Variants in UBAC2 observed in about 807,000 individuals in gnomAD.
UBAC2 encodes the protein UBA domain containing 2.
UBAC2 carries 26 observed loss-of-function variants against 44.0 expected under a neutral mutation model. The observed-to-expected ratio is 0.59, with a 90% CI of 0.43 to 0.82. The LOEUF (loss-of-function observed/expected upper bound fraction) is 0.82. Ranked by LOEUF, UBAC2 falls within the 40% of genes least tolerant of loss-of-function variation. The pLI is 0.00. For synonymous variants in UBAC2, 155 were observed against 154.3 expected (o/e 1.00, Z -0.04); for missense variants, 329 against 419.4 (o/e 0.78, Z 1.88).
rs868249493 is a variant in UBAC2 at position 99,329,277 on chromosome 13, C to T, written c.562-11043C>T. Among the ~76,000 whole-genome samples, 5 of 152,110 alleles carry T rather than the reference C, an allele frequency of 3.3e-5. No homozygotes were observed. In the South Asian group the frequency reaches 1.0e-3, roughly 32 times the overall value. ...TAAAACTGGTTTGCTTATTTTAGGACACTGACTTTTAATATACACTCTACA... is the reference window on the plus strand; with the variant it reads ...TAAAACTGGTTTGCTTATTTTAGGATACTGACTTTTAATATACACTCTACA... On this transcript the variant is annotated intron_variant, in intron 6 of 8. Coordinates refer to ENST00000403766, the MANE Select transcript of UBAC2 (RefSeq NM_001144072.2).
intron 1 of UBAC2, among the ~76,000 whole-genome samples, chr13:99,219,057 A>G (rs1020032480): frequency 1.3e-5 from 2 of 152,228 alleles, no homozygotes; most frequent in African/African-American, 4.8e-5. Context: ...CATTCTTGTG[A>G]GAACCCTGAG....
chr13:99,279,099 T>G (rs956046754), intron 4 of UBAC2, among the ~76,000 whole-genome samples: 1 of 152,148 alleles, frequency 6.6e-6, no homozygotes, highest in Non-Finnish European at 1.5e-5. Flanking sequence ...TCCTTCCTTT[T>G]CCCACCTCCC....
chr13:99,324,259 A>G (rs1013221694), intron 6 of UBAC2, among the ~76,000 whole-genome samples: 4 of 152,162 alleles, frequency 2.6e-5, no homozygotes, highest in African/African-American at 9.7e-5. Flanking sequence ...AGCCCTCCCT[A>G]TAGGGCCTCT....
rs1191676390 is a variant in UBAC2 at position 99,243,757 on chromosome 13, A to C, written c.160-75A>C. ...GACATTAAAAATAGGCAGTGTAAAC[A>C]TAACAAATTTGCTAAGGAAGAGACC... On this transcript the variant is annotated intron_variant, in intron 2 of 8. Transcript: ENST00000403766. The C allele has an allele frequency of 4.3e-6, 6 of 1,386,312 alleles. No individual in the cohort carries two copies. In the South Asian group the frequency reaches 6.5e-5, roughly 15 times the overall value. The allele number at this position is 1,386,312 out of a possible 1,614,324, so 85.9% of individuals were successfully genotyped here. A position where few individuals can be genotyped will look rare whatever the true frequency, so the allele number is the denominator to read the frequency against.
intron 8 of UBAC2, among the ~76,000 whole-genome samples, chr13:99,370,530 T>C (rs1197062923): frequency 6.6e-6 from 1 of 152,192 alleles, no homozygotes; most frequent in Admixed American, 6.5e-5. Context: ...AGATCAGCAT[T>C]TCACAGCTGA....
chr13:99,369,033 G>A (rs1212013448), intron 8 of UBAC2, among the ~76,000 whole-genome samples: 2 of 152,012 alleles, frequency 1.3e-5, no homozygotes, highest in East Asian at 3.9e-4. Context: ...AATAAATAAA[G>A]GATAGTAAGA....
intron 8 of UBAC2, among the ~76,000 whole-genome samples, chr13:99,373,678 A>G (rs556726504): frequency 6.6e-6 from 1 of 152,298 alleles, no homozygotes; most frequent in Admixed American, 6.5e-5. Context: ...AGACAAGTAC[A>G]TGGGAGGTGG....
At chr13:99,233,817 A>G (rs766421969) in intron 1 of UBAC2, among the ~76,000 whole-genome samples, 3 of 151,082 alleles carry the variant, frequency 2.0e-5, no homozygotes, top group Non-Finnish European at 3.0e-5. Context: ...AGGATGGGAG[A>G]AAAAAAAAGG....
intron 4 of UBAC2, chr13:99,261,678 A>G (rs976317905): frequency 6.6e-6 from 1 of 152,352 alleles, no homozygotes; most frequent in Non-Finnish European, 1.5e-5. Flanking sequence ...TGGCAGTGAA[A>G]TCAGTCCTGG....
chr13:99,356,142 A>G (rs2045178391), intron 7 of UBAC2: 2 of 534,460 alleles, frequency 3.7e-6, no homozygotes, highest in Non-Finnish European at 3.8e-6. Flanking sequence ...TACACAGTAG[A>G]AGCATCCCTT....
At position 99,385,492 on chromosome 13, in the gene UBAC2, G is replaced by A; in HGVS notation, c.*157G>A. The A allele has an allele frequency of 3.4e-6, 2 of 591,910 alleles. No homozygotes were observed. Among genetic ancestry groups the A allele is most frequent in the Non-Finnish European group, 6.0e-6 (2 of 331,294 alleles). 36.7% of individuals were successfully genotyped at this position (591,910 alleles called of 1,614,324 possible). A position where few individuals can be genotyped will look rare whatever the true frequency, so the allele number is the denominator to read the frequency against. ...CCCTGCCCTCAACCGCAAGACTGTT[G>A]CCGTTTTAGTGTGGAGATAAGTTTG... On this transcript the variant is annotated 3_prime_UTR_variant, in exon 9 of 9. Coordinates refer to ENST00000403766, the MANE Select transcript of UBAC2 (RefSeq NM_001144072.2).
chr13:99,351,337 G>T (rs1257179423), intron 7 of UBAC2: 3 of 347,256 alleles, frequency 8.6e-6, no homozygotes, highest in Non-Finnish European at 1.7e-5. Context: ...GTGATGGCCT[G>T]TGGGCCAAAC....
Position 99,295,493 on chromosome 13 carries a change from T to G in UBAC2, c.390-18604T>G. 6.2e-7 allele frequency: 1 copy of G among 1,613,986 alleles called. No individual in the cohort carries two copies. Among genetic ancestry groups the G allele is most frequent in the Non-Finnish European group, 8.5e-7 (1 of 1,180,008 alleles). On this transcript the variant is annotated intron_variant, in intron 4 of 8. Transcript: ENST00000403766. This position sits in a 1 kb window ranked among gnomAD's most constrained non-coding sequence, Gnocchi z 4.1. ...AGTTCTGAAGAGTTTGCAGCAGATC[T>G]GAGAATAGCAGATGAGAATGATTAT...
At chr13:99,281,216 A>AC (rs2043950260) in intron 4 of UBAC2, among the ~76,000 whole-genome samples, 2 of 152,050 alleles carry the variant, frequency 1.3e-5, no homozygotes, top group African/African-American at 4.8e-5. Context: ...ACAAAACAAA[A>AC]AAAAACAACA....
At chr13:99,205,749 G>T in intron 1 of UBAC2, 1 of 162,524 alleles carries the variant, frequency 6.2e-6, no homozygotes. Context: ...TCACCCCATT[G>T]ATCGCCAGAG....
chr13:99,306,050 C>G (rs937227764), intron 4 of UBAC2, among the ~76,000 whole-genome samples: 3 of 152,082 alleles, frequency 2.0e-5, no homozygotes, highest in Non-Finnish European at 2.9e-5. Flanking sequence ...TGAGTGCCAC[C>G]GTGCCTGGCT....
intron 7 of UBAC2, among the ~76,000 whole-genome samples, chr13:99,355,957 G>A (rs1226112764): frequency 2.0e-5 from 3 of 152,276 alleles, no homozygotes; most frequent in African/African-American, 7.2e-5. Flanking sequence ...GTGCTTTGTT[G>A]AAACAAAGGG....
chr13:99,347,576 A>T (rs1400162594), intron 7 of UBAC2, among the ~76,000 whole-genome samples: 1 of 151,950 alleles, frequency 6.6e-6, no homozygotes, highest in African/African-American at 2.4e-5. Context: ...ATATGATCTT[A>T]TGCTCCTGAA....
At chr13:99,355,298 T>C (rs1228599694) in intron 7 of UBAC2, among the ~76,000 whole-genome samples, 1 of 152,194 alleles carries the variant, frequency 6.6e-6, no homozygotes, top group Non-Finnish European at 1.5e-5. Context: ...AAACAGAATA[T>C]ACGATGCAGA....
Sources: allele counts gnomAD v4.1 joint callset (sites outside exome capture counted in the v4.1 genomes callset), GRCh38; gene constraint gnomAD v4.1.1; non-coding constraint Gnocchi (gnomAD v3.1); transcripts MANE v1.5; gene names NCBI Gene and HGNC (gene_info 2026-07-23, HGNC 2026-07-21).